The following KALRN variants were observed in gnomAD, a reference collection of about 807,000 sequenced individuals.
The protein encoded by KALRN is kalirin.
KALRN carries 70 observed loss-of-function variants against 353.7 expected under a neutral mutation model. The ratio of observed to expected loss-of-function variants is 0.20; its 90% CI spans 0.16 to 0.24. The LOEUF (loss-of-function observed/expected upper bound fraction) is 0.24. KALRN is among the 10% of genes least tolerant of loss of function. The pLI is 1.00. For missense variants in KALRN, 2,791 were observed against 3,756.7 expected (o/e 0.74, Z 6.72); for synonymous variants, 1,391 against 1,434.8 (o/e 0.97, Z 0.69).
At chr3:124,616,821 C>T (rs775002197) in intron 34 of KALRN, among the ~76,000 whole-genome samples, 3 of 151,900 alleles carry the variant, frequency 2.0e-5, no homozygotes, top group South Asian at 2.1e-4. Flanking sequence ...AAAAATTAGC[C>T]GGACATGGTG....
chr3:124,073,756 A>G (rs545934449), intron 1 of KALRN, among the ~76,000 whole-genome samples: 4 of 152,298 alleles, frequency 2.6e-5, no homozygotes, highest in Middle Eastern at 3.4e-3. Context: ...GCAAATGAGG[A>G]TATTGATCTC....
At chr3:124,711,149 T>G (rs2062864926) in intron 57 of KALRN, among the ~76,000 whole-genome samples, 1 of 152,174 alleles carries the variant, frequency 6.6e-6, no homozygotes, top group Non-Finnish European at 1.5e-5. Flanking sequence ...CAATAAATAC[T>G]TGTCTAAGAC....
intron 5 of KALRN, among the ~76,000 whole-genome samples, chr3:124,283,200 G>T (rs1391772560): frequency 2.0e-5 from 3 of 152,190 alleles, no homozygotes; most frequent in African/African-American, 7.2e-5. Flanking sequence ...CTCCATTTTT[G>T]CAGTAACAAT....
chr3:124,064,027 A>G (rs2042162460), intron 1 of KALRN, among the ~76,000 whole-genome samples: 1 of 152,224 alleles, frequency 6.6e-6, no homozygotes, highest in Non-Finnish European at 1.5e-5. Context: ...AATTGTTAGA[A>G]TTCAGTTAAT....
At position 124,033,937 on chromosome 3, in the gene KALRN, G is replaced by A. The variant is rs966395638; in HGVS notation, c.73+124G>A. On this transcript the variant is annotated intron_variant, in intron 1 of 59. Transcript: ENST00000682506. This position sits in a 1 kb window ranked among gnomAD's most constrained non-coding sequence, Gnocchi z 6.2. Reference sequence around the variant, plus strand: ...GCGTGTTGGGGGGCAGTGCCCCCTCGGCGTCGGGGCTGGAGTTGCCGAGAT... The same window carrying A: ...GCGTGTTGGGGGGCAGTGCCCCCTCAGCGTCGGGGCTGGAGTTGCCGAGAT... Among the ~76,000 whole-genome samples, 3 of 152,154 alleles carry A rather than the reference G, an allele frequency of 2.0e-5. No individual in the cohort carries two copies. Among genetic ancestry groups the A allele is most frequent in the African/African-American group, 7.2e-5 (3 of 41,446 alleles).
chr3:124,135,231 C>T (rs1162366354), intron 1 of KALRN, among the ~76,000 whole-genome samples: 2 of 152,138 alleles, frequency 1.3e-5, no homozygotes, highest in African/African-American at 4.8e-5. Flanking sequence ...TTGCAATGAC[C>T]TGGATGAGAT....
At chr3:124,705,372 GATGTTTTTCACAGAAATTC>G (rs924038311) in intron 57 of KALRN, among the ~76,000 whole-genome samples, 4 of 152,108 alleles carry the variant, frequency 2.6e-5, no homozygotes, top group Non-Finnish European at 4.4e-5. Context: ...CAGAAATACA[GATGTTTTTCACAGAAATTC>G]ATGTTTTTCT....
chr3:124,664,371 G>A (rs1232240483), intron 45 of KALRN, among the ~76,000 whole-genome samples: 8 of 77,044 alleles, frequency 1.0e-4, no homozygotes, highest in East Asian at 7.2e-4. Flanking sequence ...GTGTGTGTGT[G>A]CGCGCGCGCG....
Position 124,265,363 on chromosome 3 carries a change from G to T in KALRN, c.456+673G>T, listed in dbSNP as rs151198683. Among the ~76,000 whole-genome samples, 607 of 136,870 alleles carry T rather than the reference G, an allele frequency of 4.4e-3. 4 individuals carry two copies. The highest frequency in any genetic ancestry group is 0.016 in the African/African-American group (585 of 36,332). The allele number at this position is 136,870 out of a possible 152,430, so 89.8% of individuals were successfully genotyped here. A position where few individuals can be genotyped will look rare whatever the true frequency, so the allele number is the denominator to read the frequency against. On this transcript the variant is annotated intron_variant, in intron 4 of 59. Coordinates refer to ENST00000682506, the MANE Select transcript of KALRN (RefSeq NM_001388419.1). Reference sequence around the variant, plus strand: ...AGGCTGGAGTGCAGTGATGATCTCGGCTCACTGCAACCTCTGCCTCCTGGG... The same window carrying T: ...AGGCTGGAGTGCAGTGATGATCTCGTCTCACTGCAACCTCTGCCTCCTGGG...
At chr3:124,468,081 C>T (rs921811374) in intron 25 of KALRN, among the ~76,000 whole-genome samples, 1 of 152,084 alleles carries the variant, frequency 6.6e-6, no homozygotes, top group East Asian at 1.9e-4. Flanking sequence ...CTTCCCAGAG[C>T]TACCATCCTG....
At chr3:124,043,956 G>T (rs2040196291) in intron 1 of KALRN, among the ~76,000 whole-genome samples, 1 of 152,054 alleles carries the variant, frequency 6.6e-6, no homozygotes, top group African/African-American at 2.4e-5. Flanking sequence ...CTGAGGAGGG[G>T]TCAATGTCTG....
In KALRN at chr3:124,491,523, G is replaced by C. The variant is rs1375050710; in HGVS notation, c.4689+99G>C. ...AAAGCTAAGGCCCAGAGACTCTACT[G>C]AGCCATGGGCCTCTTTTGGGAATGG... On this transcript the variant is annotated intron_variant, in intron 31 of 59. Transcript: ENST00000682506. 5.2e-6 allele frequency: 4 copies of C among 772,992 alleles called. No individual in the cohort carries two copies. In the African/African-American group the frequency reaches 7.2e-5, roughly 14 times the overall value. 47.9% of individuals were successfully genotyped at this position (772,992 alleles called of 1,614,324 possible). A position where few individuals can be genotyped will look rare whatever the true frequency, so the allele number is the denominator to read the frequency against.
intron 33 of KALRN, among the ~76,000 whole-genome samples, chr3:124,503,483 G>A (rs968623304): frequency 1.3e-5 from 2 of 150,476 alleles, no homozygotes; most frequent in Non-Finnish European, 2.9e-5. Flanking sequence ...AATAATTCAA[G>A]TCCAGAGCTA....
In KALRN at chr3:124,446,177, C is replaced by T; in HGVS notation, c.3330C>T (p.Leu1110=). 2 of 1,613,742 alleles carry T rather than the reference C, an allele frequency of 1.2e-6. No homozygotes were observed. The highest frequency in any genetic ancestry group is 1.7e-6 in the Non-Finnish European group (2 of 1,179,634). The change falls in exon 20 of 60, where the codon CTC becomes CTT. Residue 1110 remains leucine, a synonymous_variant. Transcript: ENST00000682506. ...TGCCCACAGCCATCCTGAGTGAGCT[C>T]CTGCAGAGGGAGAATCGCGTGCTGC... is the stretch of plus-strand genomic sequence containing the variant. The part of the protein sequence containing the change: ...EQQVKAILSE[L]LQRENRVLHF...
chr3:124,317,180 G>C (rs1040308072), intron 6 of KALRN, among the ~76,000 whole-genome samples: 3 of 152,106 alleles, frequency 2.0e-5, no homozygotes, highest in African/African-American at 7.2e-5. Context: ...TTTTTCTCTC[G>C]GCTGTGATTT....
chr3:124,083,819 G>C (rs931834989), intron 1 of KALRN, among the ~76,000 whole-genome samples: 1 of 152,168 alleles, frequency 6.6e-6, no homozygotes, highest in African/African-American at 2.4e-5. Flanking sequence ...CAATCAACTT[G>C]GAAATTGTCT....
At chr3:124,602,730 G>T (rs1353196324) in intron 34 of KALRN, among the ~76,000 whole-genome samples, 2 of 152,200 alleles carry the variant, frequency 1.3e-5, no homozygotes, top group African/African-American at 4.8e-5. Flanking sequence ...GACCTGGATA[G>T]GAATGGAATA....
At chr3:124,063,676 T>C (rs1013284193) in intron 1 of KALRN, among the ~76,000 whole-genome samples, 2 of 152,236 alleles carry the variant, frequency 1.3e-5, no homozygotes, top group African/African-American at 4.8e-5. Context: ...TTGGTAATTT[T>C]CTTCCTCACT....
chr3:124,581,333 C>T (rs2074605194), intron 34 of KALRN, among the ~76,000 whole-genome samples: 1 of 149,180 alleles, frequency 6.7e-6, no homozygotes, highest in Non-Finnish European at 1.5e-5. Flanking sequence ...GCAGAGGTTG[C>T]AGTGAGCCGA....
Sources: gnomAD v4.1 joint callset for allele counts (sites outside exome capture counted in the v4.1 genomes callset) on GRCh38, gnomAD v4.1.1 for gene constraint, Gnocchi (gnomAD v3.1) non-coding constraint, MANE v1.5 for transcripts, NCBI Gene and HGNC (gene_info 2026-07-23, HGNC 2026-07-21) for gene names.